LMLN: variants seen among roughly 807,000 people sequenced by gnomAD.
LMLN encodes leishmanolysin like peptidase.
Under a neutral mutation model 92.3 loss-of-function variants are expected in LMLN, and 70 were observed. The observed-to-expected ratio is 0.76, with a 90% CI of 0.63 to 0.92. The LOEUF (loss-of-function observed/expected upper bound fraction) is 0.92, where lower values mean the gene tolerates loss of function less well. Ranked by LOEUF, LMLN falls within the 40% of genes least tolerant of loss-of-function variation. LMLN has a pLI of 0.00. For synonymous variants in LMLN, 308 were observed against 296.2 expected, an observed-to-expected ratio of 1.04 and a Z score of -0.41; for missense variants, 691 against 814.6, an observed-to-expected ratio of 0.85 and a Z score of 1.85.
intron 1 of LMLN, among the ~76,000 whole-genome samples, chr3:197,966,723 T>C (rs1354949417): frequency 6.6e-6 from 1 of 152,178 alleles, no homozygotes; most frequent in Non-Finnish European, 1.5e-5. Flanking sequence ...CACTTGGTGA[T>C]GATTTATTAC....
intron 14 of LMLN, among the ~76,000 whole-genome samples, chr3:198,033,737 A>G (rs184232388): frequency 5.8e-4 from 88 of 152,266 alleles, no homozygotes; most frequent in African/African-American, 1.9e-3. Context: ...TCTTTCCTCA[A>G]TTGAAACTGC....
intron 7 of LMLN, among the ~76,000 whole-genome samples, chr3:197,984,971 C>T: frequency 6.6e-6 from 1 of 152,100 alleles, no homozygotes; most frequent in Admixed American, 6.5e-5. Context: ...AGCCACCGCG[C>T]CCAGCCCTTC....
intron 5 of LMLN, among the ~76,000 whole-genome samples, chr3:197,979,381 A>C (rs1477620516): frequency 6.6e-6 from 1 of 152,004 alleles, no homozygotes; most frequent in African/African-American, 2.4e-5. Context: ...AGAGGCAAAT[A>C]AGATTTGCTG....
At chr3:198,035,129 G>A (rs1246640388) in intron 14 of LMLN, among the ~76,000 whole-genome samples, 2 of 150,896 alleles carry the variant, frequency 1.3e-5, no homozygotes, top group Non-Finnish European at 2.9e-5. Context: ...CTGAGCCCAA[G>A]GTACTCAAAG....
chr3:198,032,282 T>C (rs758824311), intron 14 of LMLN, among the ~76,000 whole-genome samples: 2 of 152,280 alleles, frequency 1.3e-5, no homozygotes, highest in Non-Finnish European at 2.9e-5. Context: ...CCTAAGTTTA[T>C]ATGCTGTCAG....
intron 8 of LMLN, among the ~76,000 whole-genome samples, chr3:197,990,038 CTTATT>C (rs201995486): frequency 7.3e-5 from 11 of 151,588 alleles, no homozygotes; most frequent in African/African-American, 2.7e-4. Context: ...CCATGCCTGG[CTTATT>C]TTATTTTATT....
intron 5 of LMLN, among the ~76,000 whole-genome samples, chr3:197,979,906 T>C (rs1721508945): frequency 6.6e-6 from 1 of 152,234 alleles, no homozygotes; most frequent in South Asian, 2.1e-4. Flanking sequence ...ATAGGAAATA[T>C]ATTTCCATTA....
At chr3:198,022,933 A>G (rs1429755550) in intron 13 of LMLN, among the ~76,000 whole-genome samples, 1 of 152,178 alleles carries the variant, frequency 6.6e-6, no homozygotes, top group African/African-American at 2.4e-5. Context: ...AGCAAAAGAA[A>G]TGCACAGATC....
chr3:198,027,274 A>G lies in LMLN; in HGVS notation c.1656+2486A>G, dbSNP rs1722958491. The stretch of plus-strand genomic sequence containing the variant: ...CCTCCCCCACCCCTCCAAACAGATC[A>G]CCTACCTTGCCTCACTTAACGGCTT... On this transcript the variant is annotated intron_variant, in intron 14 of 15. Transcript: ENST00000330198. Among the ~76,000 whole-genome samples, 3 of 149,110 alleles carry G rather than the reference A, an allele frequency of 2.0e-5. No individual in the cohort carries two copies. In the Admixed American group the frequency reaches 2.0e-4, roughly 10 times the overall value.
chr3:197,988,184 A>G (rs1266448319), intron 8 of LMLN, among the ~76,000 whole-genome samples: 3 of 150,538 alleles, frequency 2.0e-5, no homozygotes, highest in South Asian at 2.1e-4. Context: ...GAGTCTCACT[A>G]TATTGCCCAG....
exon 16 of LMLN, chr3:198,039,048 T>C (rs1368028632): frequency 2.1e-5 from 4 of 194,158 alleles, no homozygotes. Context: ...ACCACTTTCA[T>C]CTGCAACCCA....
At chr3:198,005,874 T>C (rs558017729) in intron 11 of LMLN, among the ~76,000 whole-genome samples, 6 of 152,084 alleles carry the variant, frequency 3.9e-5, no homozygotes, top group Non-Finnish European at 8.8e-5. Flanking sequence ...CCCAGCACTT[T>C]GGGAGGCCGA....
chr3:198,002,305 AT>A (rs1380253582), intron 11 of LMLN, among the ~76,000 whole-genome samples: 1 of 151,706 alleles, frequency 6.6e-6, no homozygotes, highest in Non-Finnish European at 1.5e-5. Context: ...AACTTTTTGT[AT>A]TTTTAGTAGA....
At chr3:198,014,709 C>G (rs1172674432) in intron 11 of LMLN, among the ~76,000 whole-genome samples, 1 of 144,222 alleles carries the variant, frequency 6.9e-6, no homozygotes, top group Non-Finnish European at 1.5e-5. Flanking sequence ...CCTAACTAGT[C>G]TGACTTCTCT....
At chr3:198,029,928 C>T (rs1321591885) in intron 14 of LMLN, among the ~76,000 whole-genome samples, 2 of 151,944 alleles carry the variant, frequency 1.3e-5, no homozygotes, top group Non-Finnish European at 2.9e-5. Flanking sequence ...CTGCAACCTC[C>T]GCTTCCCAGG....
intron 14 of LMLN, among the ~76,000 whole-genome samples, chr3:198,034,795 G>T (rs938377323): frequency 6.6e-6 from 1 of 152,176 alleles, no homozygotes; most frequent in African/African-American, 2.4e-5. Context: ...AGAGCATTTA[G>T]GGTTAGGGAG....
At chr3:197,964,988 C>T (rs1274955438) in intron 1 of LMLN, among the ~76,000 whole-genome samples, 1 of 141,688 alleles carries the variant, frequency 7.1e-6, no homozygotes, top group Non-Finnish European at 1.5e-5. Flanking sequence ...GCCTGGGCGA[C>T]AAGAGCGAAA....
Position 198,035,814 on chromosome 3 carries a change from A to G in LMLN, c.1657-19A>G, listed in dbSNP as rs1016665966. The G allele has an allele frequency of 6.4e-7, 1 of 1,573,492 alleles. No individual in the cohort carries two copies. Among genetic ancestry groups the G allele is most frequent in the Non-Finnish European group, 8.7e-7 (1 of 1,144,962 alleles). Reference sequence around the variant, plus strand: ...TGATATTTATTATTTTTATATATCTATTTTTTTCCTGTTTGAAGGTTTCTT... The same window carrying G: ...TGATATTTATTATTTTTATATATCTGTTTTTTTCCTGTTTGAAGGTTTCTT... On this transcript the variant is annotated intron_variant, in intron 14 of 15. Coordinates refer to ENST00000330198, the Ensembl canonical transcript of LMLN.
intron 14 of LMLN, among the ~76,000 whole-genome samples, chr3:198,030,980 C>T (rs535846181): frequency 1.3e-5 from 2 of 151,934 alleles, no homozygotes; most frequent in East Asian, 1.9e-4. Flanking sequence ...GGGTCCTCAG[C>T]TAGTTTCCAC....
Sources: allele counts gnomAD v4.1 joint callset (sites outside exome capture counted in the v4.1 genomes callset), GRCh38; gene constraint gnomAD v4.1.1; transcripts MANE v1.5; gene names NCBI Gene and HGNC (gene_info 2026-07-23, HGNC 2026-07-21).